Variants in CCDC15 observed in about 807,000 individuals in gnomAD.
CCDC15 encodes coiled-coil domain containing 15.
A neutral mutation model predicts 114.5 loss-of-function variants in CCDC15; 105 were observed. The observed-to-expected ratio is 0.92, with a 90% CI of 0.78 to 1.08. The LOEUF is 1.08. CCDC15 is among the 50% of genes least tolerant of loss of function. CCDC15 has a pLI of 0.00. For synonymous variants in CCDC15, 334 were observed against 377.8 expected (o/e 0.88, Z 1.34); for missense variants, 1,105 against 1,093.6 (o/e 1.01, Z -0.15).
At chr11:125,009,781 C>A (rs189301087) in intron 13 of CCDC15, among the ~76,000 whole-genome samples, 1 of 152,218 alleles carries the variant, frequency 6.6e-6, no homozygotes, top group East Asian at 1.9e-4. Context: ...TGTGTTAATT[C>A]GCTTAGGATA....
intron 13 of CCDC15, among the ~76,000 whole-genome samples, chr11:125,021,691 G>T (rs1177616993): frequency 1.3e-5 from 2 of 151,774 alleles, no homozygotes; most frequent in Non-Finnish European, 3.0e-5. Flanking sequence ...TATCTGTGAG[G>T]AGAGGAATAG....
chr11:125,015,557 C>T (rs555754176), intron 13 of CCDC15, among the ~76,000 whole-genome samples: 34 of 152,096 alleles, frequency 2.2e-4, no homozygotes, highest in African/African-American at 6.7e-4. Context: ...TGAGTAATCC[C>T]GTATCACTGA....
In CCDC15 at chr11:124,977,515, A is replaced by C. The variant is rs765961413; in HGVS notation, c.668A>C (p.Asn223Thr). The C allele has an allele frequency of 5.9e-5, 94 of 1,604,378 alleles. No homozygotes were observed. The highest frequency in any genetic ancestry group is 7.5e-5 in the Non-Finnish European group (88 of 1,175,182). The change falls in exon 6 of 16, where the codon AAT becomes ACT. Residue 223 changes from asparagine (N) to threonine (T), a missense_variant. Physicochemically the swap from Asn to Thr is moderately conservative, Grantham distance 65. Transcript: ENST00000344762. ...LSRKPASTGINTGIRGELPIK... is the reference protein window; with the variant it reads ...LSRKPASTGITTGIRGELPIK... Reference sequence around the variant, plus strand: ...AGGAAACCAGCATCCACTGGGATAAATACAGGAATAAGAGGAGAGTTGCCC... The same window carrying C: ...AGGAAACCAGCATCCACTGGGATAACTACAGGAATAAGAGGAGAGTTGCCC...
intron 4 of CCDC15, among the ~76,000 whole-genome samples, chr11:124,974,272 C>T (rs1271849407): frequency 6.6e-6 from 1 of 152,156 alleles, no homozygotes; most frequent in Admixed American, 6.5e-5. Flanking sequence ...TGAGCCACCA[C>T]GGCTGGCCTA....
chr11:124,970,315 A>G (rs1947858053), intron 4 of CCDC15, among the ~76,000 whole-genome samples: 1 of 152,194 alleles, frequency 6.6e-6, no homozygotes, highest in Non-Finnish European at 1.5e-5. Context: ...TTAGGTCTAC[A>G]TTACTGGCCA....
chr11:125,027,041 T>C (rs913279725), intron 13 of CCDC15, among the ~76,000 whole-genome samples: 17 of 152,200 alleles, frequency 1.1e-4, no homozygotes, highest in African/African-American at 3.4e-4. Context: ...TCCAACTCCA[T>C]CCAAGTTGCT....
chr11:124,985,577 A>T (rs76900500), intron 6 of CCDC15, among the ~76,000 whole-genome samples: 9,625 of 152,062 alleles, frequency 0.063, 370 homozygotes, highest in African/African-American at 0.11. Flanking sequence ...TTTCCTGATG[A>T]CTAATGATCT....
chr11:124,960,078 G>GTCA, intron 4 of CCDC15, 75 bp downstream of exon 4: 1 of 1,154,822 alleles, frequency 8.7e-7, no homozygotes, highest in Non-Finnish European at 1.2e-6. Flanking sequence ...GACATCTAGG[G>GTCA]TATGAGGTAG....
chr11:125,038,496 A>T lies in CCDC15; in HGVS notation c.2477A>T (p.His826Leu), dbSNP rs375001631. The T allele has an allele frequency of 2.6e-5, 41 of 1,584,282 alleles. No individual in the cohort carries two copies. The highest frequency in any genetic ancestry group is 3.4e-5 in the Non-Finnish European group (39 of 1,164,056). ...AEQRILRMNFHEDPYSGEKLS... is the reference protein window; with the variant it reads ...AEQRILRMNFLEDPYSGEKLS... ...CAGAGGATCCTAAGAATGAACTTTC[A>T]TGAAGATCCATATTCAGGAGAGAAG... The change falls in exon 14 of 16, where the codon CAT (histidine) becomes CTT (leucine). Residue 826 changes from histidine (H) to leucine (L), a missense_variant. His to Leu is a moderately conservative substitution (Grantham distance 99). Transcript: ENST00000344762.
intron 13 of CCDC15, among the ~76,000 whole-genome samples, chr11:125,034,008 T>C (rs1474879501): frequency 6.6e-6 from 1 of 152,210 alleles, no homozygotes; most frequent in Admixed American, 6.5e-5. Flanking sequence ...GCTAGGACTT[T>C]AGTCTTGTTA....
intron 1 of CCDC15, 42 bp from the exon 2 acceptor site, chr11:124,954,682 C>T: frequency 6.4e-7 from 1 of 1,572,442 alleles, no homozygotes; most frequent in Non-Finnish European, 8.7e-7. Flanking sequence ...ACTTTTAATG[C>T]AGTCATTTGA....
At chr11:124,992,840 T>C (rs891598277) in intron 10 of CCDC15, among the ~76,000 whole-genome samples, 153 bp downstream of exon 10, 1 of 152,212 alleles carries the variant, frequency 6.6e-6, no homozygotes, top group South Asian at 2.1e-4. Context: ...TATAATGTTT[T>C]TGGTTATTTC....
chr11:124,985,394 A>G (rs1376431259), intron 6 of CCDC15, among the ~76,000 whole-genome samples: 1 of 152,204 alleles, frequency 6.6e-6, no homozygotes, highest in Non-Finnish European at 1.5e-5. Context: ...TGGATCATAT[A>G]GTAATTCTAT....
intron 6 of CCDC15, among the ~76,000 whole-genome samples, chr11:124,983,715 C>T (rs954812301): frequency 7.2e-5 from 11 of 152,258 alleles, no homozygotes; most frequent in African/African-American, 1.2e-4. Context: ...CCAGCCAAAA[C>T]GCTTTTTTGG....
intron 13 of CCDC15, among the ~76,000 whole-genome samples, chr11:125,006,751 T>C (rs531465262): frequency 1.2e-4 from 19 of 152,316 alleles, no homozygotes; most frequent in African/African-American, 4.3e-4. Context: ...TGTCCAGTTG[T>C]TCCAGCACCA....
chr11:125,008,375 G>A (rs571833453), intron 13 of CCDC15, among the ~76,000 whole-genome samples: 36 of 152,314 alleles, frequency 2.4e-4, no homozygotes, highest in African/African-American at 8.7e-4. Context: ...TATTAAACTT[G>A]TATCCTTCAA....
At chr11:124,956,683 T>A (rs904463646) in intron 2 of CCDC15, among the ~76,000 whole-genome samples, 1 of 152,214 alleles carries the variant, frequency 6.6e-6, no homozygotes, top group African/African-American at 2.4e-5. Context: ...AATATTAAAG[T>A]CTTGGAACAT....
At chr11:124,994,514 A>T (rs773436550) in intron 11 of CCDC15, among the ~76,000 whole-genome samples, 1 of 152,164 alleles carries the variant, frequency 6.6e-6, no homozygotes, top group African/African-American at 2.4e-5. Context: ...TATTTTTATA[A>T]AAGGTATATT....
intron 6 of CCDC15, among the ~76,000 whole-genome samples, chr11:124,978,395 G>T (rs113376708): frequency 0.022 from 3,292 of 152,256 alleles, 135 homozygotes; most frequent in African/African-American, 0.075. Context: ...GGATTGCTGG[G>T]TTGAATGGTA....
Sources: allele counts gnomAD v4.1 joint callset (sites outside exome capture counted in the v4.1 genomes callset), GRCh38; gene constraint gnomAD v4.1.1; transcripts MANE v1.5; gene names NCBI Gene and HGNC (gene_info 2026-07-23, HGNC 2026-07-21).